The following TUSC3 variants were observed in gnomAD, a reference collection of about 807,000 sequenced individuals.
TUSC3 encodes tumor suppressor candidate 3, also known as dolichyl-diphosphooligosaccharide--protein glycosyltransferase subunit TUSC3.
Under a neutral mutation model 44.8 loss-of-function variants are expected in TUSC3, and 45 were observed. The observed-to-expected ratio is 1.00, with a 90% confidence interval of 0.79 to 1.29. The LOEUF (loss-of-function observed/expected upper bound fraction) is 1.29, where lower values mean the gene tolerates loss of function less well. Ranked by LOEUF, TUSC3 falls within the 50% of genes most tolerant of loss-of-function variation. The pLI, the probability that TUSC3 is intolerant of heterozygous loss-of-function variation, is 0.00. For synonymous variants in TUSC3, 212 were observed against 152.9 expected (o/e 1.39, Z -2.85); for missense variants, 519 against 437.9 (o/e 1.19, Z -1.65).
the TUSC3 span, among the ~76,000 whole-genome samples, chr8:15,787,267 A>G: frequency 1.3e-5 from 2 of 152,192 alleles, no homozygotes. Context: ...TATTTTTACA[A>G]TCAGCATCAT....
chr8:15,694,839 G>GA, intron 6 of TUSC3, among the ~76,000 whole-genome samples: 1 of 152,164 alleles, frequency 6.6e-6, no homozygotes, highest in Non-Finnish European at 1.5e-5. Flanking sequence ...ACACTCCCAT[G>GA]AGTGGTGTCA....
chr8:15,496,556 G>C (rs1800883032), intron 2 of TUSC3, among the ~76,000 whole-genome samples: 1 of 152,168 alleles, frequency 6.6e-6, no homozygotes, highest in African/African-American at 2.4e-5. Flanking sequence ...ACTTTTGGGA[G>C]AGAGTGATTT....
At chr8:15,689,910 C>A (rs998178937) in intron 6 of TUSC3, among the ~76,000 whole-genome samples, 1 of 141,800 alleles carries the variant, frequency 7.1e-6, no homozygotes, top group African/African-American at 2.6e-5. Flanking sequence ...ATCTGTTCTA[C>A]CATTGATGGA....
At chr8:15,717,334 C>T (rs927473059) in intron 6 of TUSC3, among the ~76,000 whole-genome samples, 4 of 151,934 alleles carry the variant, frequency 2.6e-5, no homozygotes, top group Non-Finnish European at 4.4e-5. Flanking sequence ...GATGGAACAG[C>T]CTTAAGAACC....
chr8:15,544,153 G>C (rs1801783217), intron 1 of TUSC3, among the ~76,000 whole-genome samples: 1 of 152,124 alleles, frequency 6.6e-6, no homozygotes, highest in South Asian at 2.1e-4. Context: ...CTGATGTTAA[G>C]TGATGTGAGT....
chr8:15,424,336 C>G (rs940460444), intron 1 of TUSC3, among the ~76,000 whole-genome samples: 6 of 151,986 alleles, frequency 3.9e-5, no homozygotes, highest in Middle Eastern at 3.2e-3. Flanking sequence ...CTAGAACAAC[C>G]TGGAGCGTTG....
intron 1 of TUSC3, among the ~76,000 whole-genome samples, chr8:15,607,095 A>G (rs961125137): frequency 2.0e-5 from 3 of 152,136 alleles, no homozygotes; most frequent in Admixed American, 6.6e-5. Flanking sequence ...CTCTCTGATC[A>G]TAATCCCAAA....
intron 2 of TUSC3, among the ~76,000 whole-genome samples, chr8:15,529,744 C>G (rs945045569): frequency 2.7e-5 from 4 of 146,084 alleles, no homozygotes; most frequent in African/African-American, 1.0e-4. Context: ...ATAATGTCTT[C>G]TGTAGAATAC....
chr8:15,832,097 C>T, the TUSC3 span, among the ~76,000 whole-genome samples: 1 of 152,126 alleles, frequency 6.6e-6, no homozygotes, highest in Non-Finnish European at 1.5e-5. Context: ...GTGGATTGCT[C>T]AGCAGAAAAC....
chr8:15,575,732 A>C (rs186846515), intron 1 of TUSC3, among the ~76,000 whole-genome samples: 238 of 152,280 alleles, frequency 1.6e-3, no homozygotes, highest in Non-Finnish European at 2.5e-3. Context: ...GTTCCACTGC[A>C]CTCCAGCTTG....
the TUSC3 span, among the ~76,000 whole-genome samples, chr8:15,834,958 C>G: frequency 6.6e-6 from 1 of 152,156 alleles, no homozygotes; most frequent in Non-Finnish European, 1.5e-5. Context: ...TAAGTATGCA[C>G]AGGTTAGGAC....
At chr8:15,743,845 C>CTTCA (rs1811296100) in intron 8 of TUSC3, among the ~76,000 whole-genome samples, 1 of 152,108 alleles carries the variant, frequency 6.6e-6, no homozygotes, top group African/African-American at 2.4e-5. Flanking sequence ...TGGAGCTGTC[C>CTTCA]TTCACCCTTG....
rs1369415962 is a variant in TUSC3, at chr8:15,584,065, A to T, written c.139-39015A>T. 3.4e-3 allele frequency among the ~76,000 whole-genome samples: 516 copies of T among 152,344 alleles called. 4 individuals carry two copies. Among genetic ancestry groups the T allele is most frequent in the African/African-American group, 0.012 (495 of 41,570 alleles). ...ACTTAAAGGCAGTGTAATCAAACAC[A>T]GCAGCTTAACTGTTTTAATATTTCT... On this transcript the variant is annotated intron_variant, in intron 1 of 10. Coordinates refer to ENST00000503731, the MANE Select transcript of TUSC3 (RefSeq NM_006765.4).
chr8:15,472,359 T>C (rs1262514262), intron 1 of TUSC3, among the ~76,000 whole-genome samples: 4 of 152,220 alleles, frequency 2.6e-5, no homozygotes, highest in Non-Finnish European at 2.9e-5. Flanking sequence ...TTTCTGAAAC[T>C]TTTCTATCTA....
At chr8:15,741,023 A>G (rs770295640) in intron 7 of TUSC3, among the ~76,000 whole-genome samples, 4 of 152,190 alleles carry the variant, frequency 2.6e-5, no homozygotes, top group East Asian at 1.9e-4. Flanking sequence ...ATACAGAGGG[A>G]GAGTAGTAAA....
At chr8:15,574,793 T>C (rs1347337298) in intron 1 of TUSC3, among the ~76,000 whole-genome samples, 1 of 152,162 alleles carries the variant, frequency 6.6e-6, no homozygotes, top group African/African-American at 2.4e-5. Flanking sequence ...ATGTTACTCT[T>C]TATGTTCAAA....
At chr8:15,609,697 G>C (rs886328126) in intron 1 of TUSC3, among the ~76,000 whole-genome samples, 2 of 151,610 alleles carry the variant, frequency 1.3e-5, no homozygotes, top group Non-Finnish European at 2.9e-5. Flanking sequence ...TTGATAGTAG[G>C]GTATTGTACT....
intron 2 of TUSC3, among the ~76,000 whole-genome samples, chr8:15,497,637 A>G (rs1056587158): frequency 7.2e-5 from 11 of 152,184 alleles, no homozygotes; most frequent in South Asian, 2.1e-4. Context: ...TATGTTGTGG[A>G]GTTTTGCTAT....
intron 1 of TUSC3, among the ~76,000 whole-genome samples, chr8:15,429,545 A>G (rs533738992): frequency 2.0e-5 from 3 of 146,344 alleles, no homozygotes; most frequent in Admixed American, 6.7e-5. Context: ...CATTGAATCT[A>G]TAAATTACCT....
Sources: allele counts gnomAD v4.1 joint callset (sites outside exome capture counted in the v4.1 genomes callset), GRCh38; gene constraint gnomAD v4.1.1; transcripts MANE v1.5; gene names NCBI Gene and HGNC (gene_info 2026-07-23, HGNC 2026-07-21).